The following DPP10 variants were observed in gnomAD, a reference collection of about 807,000 sequenced individuals.
DPP10 encodes inactive dipeptidyl peptidase 10.
A neutral mutation model predicts 120.9 loss-of-function variants in DPP10; 33 were observed. The ratio of observed to expected loss-of-function variants is 0.27; its 90% CI spans 0.21 to 0.37. The LOEUF (loss-of-function observed/expected upper bound fraction) is 0.37, where lower values mean the gene tolerates loss of function less well. Among genes scored for constraint, DPP10 ranks in the 10% least tolerant of loss-of-function variants. DPP10 has a pLI of 1.00. For missense variants in DPP10, 816 were observed against 942.8 expected, an observed-to-expected ratio of 0.87 and a Z score of 1.76; for synonymous variants, 337 against 326.1, an observed-to-expected ratio of 1.03 and a Z score of -0.36.
chr2:114,751,659 A>C (rs1380508802), intron 1 of DPP10, among the ~76,000 whole-genome samples: 2 of 152,218 alleles, frequency 1.3e-5, no homozygotes. Flanking sequence ...AAGGTTAACG[A>C]GGGCAGAGCA....
At chr2:115,361,053 C>T (rs1031424461) in intron 3 of DPP10, among the ~76,000 whole-genome samples, 4 of 152,158 alleles carry the variant, frequency 2.6e-5, no homozygotes, top group African/African-American at 9.7e-5. Flanking sequence ...TCTCCGATTG[C>T]TTGTCTGTTA....
chr2:115,803,016 A>G (rs1409610263), intron 19 of DPP10, among the ~76,000 whole-genome samples: 2 of 152,046 alleles, frequency 1.3e-5, no homozygotes, highest in Non-Finnish European at 2.9e-5. Flanking sequence ...GATCTGTCTA[A>G]TGTTGATAGT....
chr2:115,031,909 A>G (rs1183581063), intron 1 of DPP10, among the ~76,000 whole-genome samples: 2 of 152,132 alleles, frequency 1.3e-5, no homozygotes, highest in African/African-American at 4.8e-5. Context: ...CCTATATATA[A>G]TATACTACGA....
chr2:115,486,679 G>A (rs941906370), intron 3 of DPP10, among the ~76,000 whole-genome samples: 1 of 152,096 alleles, frequency 6.6e-6, no homozygotes. Context: ...AAAGCTGGTG[G>A]TTATGCTACT....
chr2:115,625,663 A>G (rs912908815), intron 5 of DPP10, among the ~76,000 whole-genome samples: 4 of 152,142 alleles, frequency 2.6e-5, no homozygotes, highest in Non-Finnish European at 1.5e-5. Context: ...TTTTGTTTCT[A>G]CAACTCCATG....
chr2:115,738,877 C>T (rs1329995592), intron 8 of DPP10, among the ~76,000 whole-genome samples: 1 of 152,130 alleles, frequency 6.6e-6, no homozygotes, highest in Non-Finnish European at 1.5e-5. Flanking sequence ...ACAAAGTGAA[C>T]ATTTTATTGT....
At chr2:115,568,045 G>A (rs561121590) in intron 5 of DPP10, among the ~76,000 whole-genome samples, 3 of 152,272 alleles carry the variant, frequency 2.0e-5, no homozygotes, top group African/African-American at 7.2e-5. Context: ...AGGCATAGTG[G>A]CGCAAGCCTG....
intron 1 of DPP10, among the ~76,000 whole-genome samples, chr2:115,221,754 G>GTT (rs56077672): frequency 0.05 from 5,960 of 119,310 alleles, 365 homozygotes; most frequent in Non-Finnish European, 0.076. Context: ...GTTTGTTTCT[G>GTT]TTTTTTTTTT....
At chr2:115,684,641 A>G (rs2090872625) in intron 5 of DPP10, among the ~76,000 whole-genome samples, 1 of 151,906 alleles carries the variant, frequency 6.6e-6, no homozygotes, top group African/African-American at 2.4e-5. Flanking sequence ...CAGTGCAGAA[A>G]AAGCTTTTGT....
At chr2:114,988,773 C>T (rs1010753203) in intron 1 of DPP10, among the ~76,000 whole-genome samples, 3 of 152,136 alleles carry the variant, frequency 2.0e-5, no homozygotes, top group African/African-American at 7.2e-5. Context: ...AGAGTTTATA[C>T]ATTGTTTCTT....
chr2:115,513,600 T>A (rs2077347657), intron 4 of DPP10, among the ~76,000 whole-genome samples: 1 of 151,944 alleles, frequency 6.6e-6, no homozygotes, highest in Non-Finnish European at 1.5e-5. Context: ...TTAGAAAAAA[T>A]TTGTTCAGAT....
At chr2:114,864,913 TC>T (rs1690104573) in intron 1 of DPP10, among the ~76,000 whole-genome samples, 1 of 152,132 alleles carries the variant, frequency 6.6e-6, no homozygotes. Context: ...ACAACGGTAA[TC>T]CTAATAATAA....
At chr2:114,860,059 G>A (rs1689690320) in intron 1 of DPP10, among the ~76,000 whole-genome samples, 1 of 152,180 alleles carries the variant, frequency 6.6e-6, no homozygotes, top group Non-Finnish European at 1.5e-5. Context: ...ACCACATTAA[G>A]TAATAGACTA....
chr2:115,256,102 A>G (rs1320841249), intron 1 of DPP10, among the ~76,000 whole-genome samples: 1 of 152,208 alleles, frequency 6.6e-6, no homozygotes, highest in Non-Finnish European at 1.5e-5. Flanking sequence ...TTATAAAGGA[A>G]AGAAGTTTAA....
intron 1 of DPP10, among the ~76,000 whole-genome samples, chr2:114,525,048 C>T (rs990557891): frequency 2.0e-5 from 3 of 152,128 alleles, no homozygotes; most frequent in Non-Finnish European, 4.4e-5. Flanking sequence ...GTGTGGAAGG[C>T]TTGCCAGTAT....
chr2:115,075,304 T>C (rs1341093364), intron 1 of DPP10, among the ~76,000 whole-genome samples: 2 of 152,332 alleles, frequency 1.3e-5, no homozygotes, highest in Non-Finnish European at 2.9e-5. Context: ...CTCTTGCACA[T>C]ACTCAGCAAT....
intron 1 of DPP10, among the ~76,000 whole-genome samples, chr2:114,469,984 C>G (rs541629598): frequency 6.6e-6 from 1 of 152,196 alleles, no homozygotes; most frequent in Non-Finnish European, 1.5e-5. Flanking sequence ...CAAAAACCAA[C>G]AAGGCCAAAC....
At chr2:115,191,187 A>G (rs1350431657) in intron 1 of DPP10, among the ~76,000 whole-genome samples, 1 of 152,188 alleles carries the variant, frequency 6.6e-6, no homozygotes, top group Non-Finnish European at 1.5e-5. Context: ...CCTTTAGTAA[A>G]ATGAATATAT....
chr2:115,085,836 T>C (rs921102893), intron 1 of DPP10, among the ~76,000 whole-genome samples: 1 of 152,228 alleles, frequency 6.6e-6, no homozygotes, highest in Non-Finnish European at 1.5e-5. Flanking sequence ...ATCACATACA[T>C]ATGTGCCATC....
Sources: gnomAD v4.1 joint callset for allele counts (sites outside exome capture counted in the v4.1 genomes callset) on GRCh38, gnomAD v4.1.1 for gene constraint, MANE v1.5 for transcripts, NCBI Gene and HGNC (gene_info 2026-07-23, HGNC 2026-07-21) for gene names.